The following SGCZ variants were observed in gnomAD, a reference collection of about 807,000 sequenced individuals.
SGCZ encodes sarcoglycan zeta, also known as zeta-sarcoglycan.
SGCZ carries 40 observed loss-of-function variants against 41.3 expected under a neutral mutation model. That is an observed-to-expected ratio of 0.97 (90% confidence interval 0.75 to 1.26). SGCZ has a LOEUF of 1.26. Among genes scored for constraint, SGCZ ranks in the 50% most tolerant of loss-of-function variants. The pLI is 0.00. For missense variants in SGCZ, 552 were observed against 369.8 expected, an observed-to-expected ratio of 1.49 and a Z score of -4.04; for synonymous variants, 206 against 137.5, an observed-to-expected ratio of 1.50 and a Z score of -3.49.
intron 1 of SGCZ, among the ~76,000 whole-genome samples, chr8:14,820,464 G>A (rs1269553113): frequency 1.3e-5 from 2 of 151,934 alleles, no homozygotes; most frequent in Non-Finnish European, 2.9e-5. Context: ...AAGAAAAATT[G>A]GAATTAAATT....
intron 1 of SGCZ, among the ~76,000 whole-genome samples, chr8:14,978,240 G>GT (rs1021762165): frequency 6.6e-6 from 1 of 151,376 alleles, no homozygotes. Flanking sequence ...GGCTGAGGGG[G>GT]GTGGATCACC....
intron 1 of SGCZ, among the ~76,000 whole-genome samples, chr8:14,846,192 A>T (rs1271868445): frequency 2.0e-5 from 3 of 152,204 alleles, no homozygotes; most frequent in Non-Finnish European, 4.4e-5. Flanking sequence ...TGCCTAATTT[A>T]TGTTTATGGA....
At chr8:14,884,685 A>G (rs957317794) in intron 1 of SGCZ, among the ~76,000 whole-genome samples, 1 of 152,180 alleles carries the variant, frequency 6.6e-6, no homozygotes, top group Non-Finnish European at 1.5e-5. Flanking sequence ...CACTTATTTT[A>G]AGAAAGAAAA....
At chr8:14,417,738 A>G (rs1166758004) in intron 2 of SGCZ, among the ~76,000 whole-genome samples, 1 of 152,012 alleles carries the variant, frequency 6.6e-6, no homozygotes. Context: ...TTTTACACAA[A>G]AAAGGTAACT....
intron 2 of SGCZ, among the ~76,000 whole-genome samples, chr8:14,520,683 A>G (rs775626598): frequency 6.6e-6 from 1 of 152,186 alleles, no homozygotes; most frequent in Non-Finnish European, 1.5e-5. Flanking sequence ...ATTAAAAAAT[A>G]GAACTCAGAG....
At chr8:14,871,583 T>C (rs969868869) in intron 1 of SGCZ, among the ~76,000 whole-genome samples, 2 of 151,356 alleles carry the variant, frequency 1.3e-5, no homozygotes, top group Admixed American at 1.3e-4. Flanking sequence ...AGATGGGAGG[T>C]TCATGATGTC....
chr8:14,233,965 A>C (rs1030930244), intron 4 of SGCZ, among the ~76,000 whole-genome samples: 26 of 151,908 alleles, frequency 1.7e-4, no homozygotes, highest in Admixed American at 9.2e-4. Flanking sequence ...TTTCAGCTTT[A>C]TTCTAAGAAG....
In SGCZ at chr8:14,418,337, C is replaced by G. The variant is rs559739670; in HGVS notation, c.235-94133G>C. Among the ~76,000 whole-genome samples the G allele has an allele frequency of 3.9e-4, 59 of 151,840 alleles. No individual in the cohort carries two copies. In the Middle Eastern group the frequency reaches 0.014, roughly 35 times the overall value. ...AATGGGTTGGGTCTAAGGAGTGGCTCCTTAAAGCATTAGTTTTAAGAATTC... is the reference window on the plus strand; with the variant it reads ...AATGGGTTGGGTCTAAGGAGTGGCTGCTTAAAGCATTAGTTTTAAGAATTC... On this transcript the variant is annotated intron_variant, in intron 2 of 7. Coordinates refer to ENST00000382080, the MANE Select transcript of SGCZ (RefSeq NM_139167.4).
intron 1 of SGCZ, among the ~76,000 whole-genome samples, chr8:14,864,415 G>C (rs1028987410): frequency 6.6e-6 from 1 of 152,074 alleles, no homozygotes; most frequent in Non-Finnish European, 1.5e-5. Context: ...AAATCTGTCA[G>C]TAATTTAGTC....
At chr8:14,368,134 G>A (rs765750330) in intron 2 of SGCZ, among the ~76,000 whole-genome samples, 15 of 152,024 alleles carry the variant, frequency 9.9e-5, no homozygotes, top group Non-Finnish European at 1.9e-4. Context: ...TTTTGGACAT[G>A]AGTGTGCTTC....
At chr8:14,996,435 C>T (rs1270239712) in intron 1 of SGCZ, among the ~76,000 whole-genome samples, 1 of 151,994 alleles carries the variant, frequency 6.6e-6, no homozygotes. Flanking sequence ...GGTGTCCCTC[C>T]CTGTCCCCCA....
chr8:14,506,000 T>G (rs752598863), intron 2 of SGCZ, among the ~76,000 whole-genome samples: 2 of 152,026 alleles, frequency 1.3e-5, no homozygotes, highest in Non-Finnish European at 2.9e-5. Context: ...CAAACATACT[T>G]TCTCATTCTT....
intron 1 of SGCZ, among the ~76,000 whole-genome samples, chr8:15,193,218 T>C (rs1365489548): frequency 6.6e-6 from 1 of 152,104 alleles, no homozygotes; most frequent in Non-Finnish European, 1.5e-5. Flanking sequence ...GATAATAGCA[T>C]TCACCAAAGA....
At chr8:14,281,027 T>C (rs1271168228) in intron 3 of SGCZ, among the ~76,000 whole-genome samples, 2 of 152,036 alleles carry the variant, frequency 1.3e-5, no homozygotes, top group East Asian at 3.9e-4. Flanking sequence ...TCCCTGCTAA[T>C]CTATATACTT....
At chr8:14,625,591 GT>G (rs956118925) in intron 1 of SGCZ, among the ~76,000 whole-genome samples, 2 of 152,024 alleles carry the variant, frequency 1.3e-5, no homozygotes, top group South Asian at 2.1e-4. Context: ...TGTTGTTGTT[GT>G]TTTTGTTTTG....
intron 2 of SGCZ, among the ~76,000 whole-genome samples, chr8:14,516,440 T>G (rs56368848): frequency 0.019 from 2,828 of 152,146 alleles, 52 homozygotes; most frequent in African/African-American, 0.045. Flanking sequence ...CTAAGACACA[T>G]TTATCAATTT....
At chr8:14,596,569 T>C (rs768717269) in intron 1 of SGCZ, among the ~76,000 whole-genome samples, 6 of 152,180 alleles carry the variant, frequency 3.9e-5, no homozygotes, top group Admixed American at 1.3e-4. Context: ...CTCTGTGAAT[T>C]GAACCAAGAT....
chr8:14,576,937 A>T (rs112857900), intron 1 of SGCZ, among the ~76,000 whole-genome samples: 5,872 of 152,262 alleles, frequency 0.039, 362 homozygotes, highest in African/African-American at 0.13. Flanking sequence ...ACCCGTGAGG[A>T]CATTCATTCA....
chr8:14,283,272 C>T (rs896193495), intron 3 of SGCZ, among the ~76,000 whole-genome samples: 3 of 152,126 alleles, frequency 2.0e-5, no homozygotes, highest in Non-Finnish European at 2.9e-5. Flanking sequence ...TTGCTGGAAA[C>T]GATTCCCATT....
Sources: allele counts gnomAD v4.1 joint callset (sites outside exome capture counted in the v4.1 genomes callset), GRCh38; gene constraint gnomAD v4.1.1; transcripts MANE v1.5; gene names NCBI Gene and HGNC (gene_info 2026-07-23, HGNC 2026-07-21).